OTUD7B: variants seen among roughly 807,000 people sequenced by gnomAD.
The protein encoded by OTUD7B is OTU deubiquitinase 7B.
In OTUD7B, 34 loss-of-function variants were observed where a neutral mutation model predicts 82.2. That is an observed-to-expected ratio of 0.41 (90% CI 0.31 to 0.55). The LOEUF (loss-of-function observed/expected upper bound fraction) is 0.55, where lower values mean the gene tolerates loss of function less well. OTUD7B is among the 20% of genes least tolerant of loss of function. The pLI is 0.20. For missense variants in OTUD7B, 944 were observed against 1,062.1 expected, an observed-to-expected ratio of 0.89 and a Z score of 1.55; for synonymous variants, 398 against 402.7, an observed-to-expected ratio of 0.99 and a Z score of 0.14.
the OTUD7B span, among the ~76,000 whole-genome samples, chr1:150,021,189 G>A: frequency 2.6e-5 from 4 of 151,824 alleles, no homozygotes; most frequent in South Asian, 4.1e-4. Flanking sequence ...TTCCCCCTTC[G>A]GGTCATATAC....
At position 149,943,977 on chromosome 1, in the gene OTUD7B, T is replaced by C; in HGVS notation, c.2412A>G (p.Gln804=). 1 of 1,614,154 alleles carries C rather than the reference T, an allele frequency of 6.2e-7. No homozygotes were observed. Among genetic ancestry groups the C allele is most frequent in the East Asian group, 2.2e-5 (1 of 44,884 alleles). The change falls in exon 12 of 12, where the codon CAA becomes CAG. Residue 804 remains glutamine, a synonymous_variant. Coordinates refer to ENST00000581312, the MANE Select transcript of OTUD7B (RefSeq NM_020205.4). ...GLPPTQTKCK[Q]PNCSFYGHPE... ...GGTGTCCATAGAAGCTGCAGTTCGG[T>C]TGTTTGCATTTGGTCTGAGTTGGGG...
chr1:149,958,709 T>C (rs1648904643), intron 7 of OTUD7B, among the ~76,000 whole-genome samples: 1 of 151,316 alleles, frequency 6.6e-6, no homozygotes, highest in Non-Finnish European at 1.5e-5. Context: ...ATTTCCTTAA[T>C]TGTCTTATGA....
chr1:150,062,966 C>T, the OTUD7B span, among the ~76,000 whole-genome samples: 2 of 151,488 alleles, frequency 1.3e-5, no homozygotes, highest in Non-Finnish European at 2.9e-5. Flanking sequence ...CACCCATCTC[C>T]GCCTCCCAAA....
chr1:150,025,850 C>T, the OTUD7B span, among the ~76,000 whole-genome samples: 6 of 152,060 alleles, frequency 3.9e-5, no homozygotes, highest in Non-Finnish European at 7.4e-5. Context: ...ACATGAATTA[C>T]ACAACTGAAA....
chr1:149,984,261 AAAGC>A (rs1650986221), intron 1 of OTUD7B, among the ~76,000 whole-genome samples: 1 of 151,770 alleles, frequency 6.6e-6, no homozygotes, highest in Non-Finnish European at 1.5e-5. Flanking sequence ...ATTACAAAGC[AAAGC>A]AAGAGGGGTT....
intron 3 of OTUD7B, among the ~76,000 whole-genome samples, chr1:149,967,966 T>G (rs1431513839): frequency 6.6e-6 from 1 of 152,166 alleles, no homozygotes; most frequent in Non-Finnish European, 1.5e-5. Flanking sequence ...TTCTAAAGGG[T>G]ATTTTCATTC....
At chr1:150,046,844 G>A in the OTUD7B span, among the ~76,000 whole-genome samples, 15 of 151,844 alleles carry the variant, frequency 9.9e-5, no homozygotes, top group Non-Finnish European at 1.0e-4. Flanking sequence ...GCTGAGGCGG[G>A]CAGATCACTT....
chr1:150,054,171 C>A, the OTUD7B span: 2 of 384,314 alleles, frequency 5.2e-6, no homozygotes, highest in African/African-American at 2.1e-5. Flanking sequence ...AACGGTGGTA[C>A]GCAGGTGGTT....
At chr1:150,020,413 T>C in the OTUD7B span, among the ~76,000 whole-genome samples, 1 of 152,140 alleles carries the variant, frequency 6.6e-6, no homozygotes, top group Non-Finnish European at 1.5e-5. Flanking sequence ...GGCGCGCACC[T>C]GTAGTCCCAG....
the OTUD7B span, among the ~76,000 whole-genome samples, chr1:150,061,967 T>G: frequency 6.6e-6 from 1 of 152,166 alleles, no homozygotes; most frequent in Non-Finnish European, 1.5e-5. Context: ...AAGGTTTCGA[T>G]GCAGAGATCT....
At chr1:149,981,076 GGAGGAGGAGGAGGAGGAA>G (rs1650695418) in intron 1 of OTUD7B, among the ~76,000 whole-genome samples, 2 of 149,752 alleles carry the variant, frequency 1.3e-5, no homozygotes, top group African/African-American at 2.5e-5. Context: ...TCTGTCTCAG[GGAGGAGGAGGAGGAGGAA>G]GAGGAGGAGG....
At chr1:150,059,371 TTTC>T in the OTUD7B span, among the ~76,000 whole-genome samples, 4 of 1,940 alleles carry the variant, frequency 2.1e-3, no homozygotes, top group Admixed American at 5.4e-3. Flanking sequence ...TTTCATATTC[TTTC>T]TTTTTTTTTT....
At chr1:150,006,447 A>AT (rs2101944640) in intron 1 of OTUD7B, among the ~76,000 whole-genome samples, 1 of 152,246 alleles carries the variant, frequency 6.6e-6, no homozygotes, top group Non-Finnish European at 1.5e-5. Flanking sequence ...CAAAGTTGTC[A>AT]TTTTTCCTAA....
chr1:150,019,529 G>A, the OTUD7B span, among the ~76,000 whole-genome samples: 1 of 152,044 alleles, frequency 6.6e-6, no homozygotes, highest in Non-Finnish European at 1.5e-5. Flanking sequence ...ACCATGCCTG[G>A]CTAATTTTTG....
the OTUD7B span, chr1:150,054,386 A>G: frequency 1.8e-6 from 1 of 541,752 alleles, no homozygotes; most frequent in East Asian, 4.7e-5. Flanking sequence ...GTTACTTGTG[A>G]CTGGACCTCT....
At chr1:149,976,061 TACTA>T (rs1650287392) in intron 2 of OTUD7B, among the ~76,000 whole-genome samples, 4 of 151,916 alleles carry the variant, frequency 2.6e-5, no homozygotes, top group Non-Finnish European at 5.9e-5. Flanking sequence ...GACAAAGTTG[TACTA>T]AATTACTAAA....
At chr1:150,059,897 G>A in the OTUD7B span, among the ~76,000 whole-genome samples, 1 of 152,086 alleles carries the variant, frequency 6.6e-6, no homozygotes, top group Non-Finnish European at 1.5e-5. Flanking sequence ...GAAGGGTTCA[G>A]ACCAATATGA....
chr1:150,029,399 T>C, the OTUD7B span, among the ~76,000 whole-genome samples: 1 of 152,172 alleles, frequency 6.6e-6, no homozygotes, highest in Non-Finnish European at 1.5e-5. Context: ...TATATTTGAA[T>C]TGTGATTCAA....
the OTUD7B span, among the ~76,000 whole-genome samples, chr1:150,061,357 G>A: frequency 6.6e-6 from 1 of 152,148 alleles, no homozygotes; most frequent in African/African-American, 2.4e-5. Context: ...CCATATGGAT[G>A]CCCTTAACTC....
Sources: allele counts gnomAD v4.1 joint callset (sites outside exome capture counted in the v4.1 genomes callset), GRCh38; gene constraint gnomAD v4.1.1; transcripts MANE v1.5; gene names NCBI Gene and HGNC (gene_info 2026-07-23, HGNC 2026-07-21).